The following FHIT variants were observed in gnomAD, a reference collection of about 807,000 sequenced individuals.
FHIT encodes fragile histidine triad diadenosine triphosphatase, also known as bis(5'-adenosyl)-triphosphatase.
Under a neutral mutation model 17.9 loss-of-function variants are expected in FHIT, and 19 were observed. That is an observed-to-expected ratio of 1.06 (90% confidence interval 0.74 to 1.56). FHIT has a LOEUF of 1.56. Ranked by LOEUF, FHIT falls within the 40% of genes most tolerant of loss-of-function variation. The pLI, the probability that FHIT is intolerant of heterozygous loss-of-function variation, is 0.00. For synonymous variants in FHIT, 81 were observed against 69.7 expected, an observed-to-expected ratio of 1.16 and a Z score of -0.81; for missense variants, 248 against 189.2, an observed-to-expected ratio of 1.31 and a Z score of -1.82.
intron 4 of FHIT, among the ~76,000 whole-genome samples, chr3:60,787,690 TC>T (rs1247095043): frequency 2.2e-4 from 33 of 152,208 alleles, no homozygotes; most frequent in Non-Finnish European, 4.7e-4. Context: ...ATTTGTAACC[TC>T]AACATCGATA....
intron 2 of FHIT, among the ~76,000 whole-genome samples, chr3:61,138,274 A>G (rs186315973): frequency 5.3e-5 from 8 of 152,314 alleles, no homozygotes; most frequent in Admixed American, 3.3e-4. Flanking sequence ...TCTTTGATCT[A>G]CTGAGCCACA....
intron 4 of FHIT, among the ~76,000 whole-genome samples, chr3:60,634,902 C>G (rs2039541460): frequency 6.6e-6 from 1 of 152,172 alleles, no homozygotes; most frequent in African/African-American, 2.4e-5. Flanking sequence ...CTCTATTTCC[C>G]AGGCTGGAGT....
intron 5 of FHIT, among the ~76,000 whole-genome samples, chr3:60,056,106 G>C (rs931563562): frequency 6.6e-6 from 1 of 152,198 alleles, no homozygotes; most frequent in South Asian, 2.1e-4. Context: ...CAAATGCCAA[G>C]AGCATTATGC....
intron 5 of FHIT, among the ~76,000 whole-genome samples, chr3:60,464,266 G>T (rs777446952): frequency 2.7e-4 from 41 of 152,052 alleles, no homozygotes; most frequent in Non-Finnish European, 4.7e-4. Context: ...TACATTTATG[G>T]GGTACAAGGG....
At chr3:60,120,499 C>A (rs939841359) in intron 5 of FHIT, among the ~76,000 whole-genome samples, 2 of 152,200 alleles carry the variant, frequency 1.3e-5, no homozygotes, top group African/African-American at 4.8e-5. Flanking sequence ...TCTTCCTGCT[C>A]CAACTTGGCC....
At chr3:59,752,344 AGGCTCTTTCATGGGCCCTTG>A (rs772400919) in intron 8 of FHIT, 23 bp from the exon 9 acceptor site, 2 of 1,589,770 alleles carry the variant, frequency 1.3e-6, no homozygotes, top group Non-Finnish European at 1.7e-6. Context: ...AAAAAGGAAG[AGGCTCTTTCATGGGCCCTTG>A]GGATCTCCTT....
intron 2 of FHIT, among the ~76,000 whole-genome samples, chr3:61,121,709 T>G (rs557082386): frequency 6.6e-6 from 1 of 152,186 alleles, no homozygotes; most frequent in Non-Finnish European, 1.5e-5. Context: ...CCAGCTTGCA[T>G]CATAAAGACA....
chr3:60,104,698 G>C (rs1182906122), intron 5 of FHIT, among the ~76,000 whole-genome samples: 10 of 152,018 alleles, frequency 6.6e-5, no homozygotes, highest in Non-Finnish European at 1.5e-4. Context: ...AAGAGAAACT[G>C]AAAGTTTTTT....
chr3:60,709,235 G>A lies in FHIT; in HGVS notation c.-18+112684C>T, dbSNP rs182805465. Among the ~76,000 whole-genome samples the A allele has an allele frequency of 7.0e-4, 106 of 152,086 alleles. 1 individual carries two copies. Among genetic ancestry groups the A allele is most frequent in the African/African-American group, 2.3e-3 (96 of 41,514 alleles). On this transcript the variant is annotated intron_variant, in intron 4 of 9. Transcript: ENST00000492590. ...TACATGTAAATATACATATTTTCCC[G>A]AAAAAAGAGCTAGTGAGAAGAGTGG...
chr3:60,909,369 G>GA (rs11382712), intron 3 of FHIT, among the ~76,000 whole-genome samples: 70,068 of 120,048 alleles, frequency 0.58, 19,939 homozygotes, highest in Middle Eastern at 0.72. Context: ...ACTCTGTCTC[G>GA]AAAAAAAAAA....
intron 4 of FHIT, among the ~76,000 whole-genome samples, chr3:60,744,258 C>CAAAAAAAA (rs371224955): frequency 1.6e-4 from 15 of 95,616 alleles, no homozygotes; most frequent in Non-Finnish European, 2.9e-4. Flanking sequence ...AAAAAAAAAA[C>CAAAAAAAA]AAAACAAAAC....
intron 3 of FHIT, among the ~76,000 whole-genome samples, chr3:60,925,213 A>T (rs2107333831): frequency 6.6e-6 from 1 of 152,272 alleles, no homozygotes; most frequent in African/African-American, 2.4e-5. Context: ...AGAGAACACC[A>T]CAAAGATACT....
chr3:60,130,992 CACATATATACATATGTGT>C (rs1699550402), intron 5 of FHIT, among the ~76,000 whole-genome samples: 4 of 128,844 alleles, frequency 3.1e-5, no homozygotes, highest in African/African-American at 6.0e-5. Flanking sequence ...CACATATATA[CACATATATACATATGTGT>C]ATATATACAC....
At chr3:61,091,444 C>T (rs949716751) in intron 2 of FHIT, among the ~76,000 whole-genome samples, 1 of 152,154 alleles carries the variant, frequency 6.6e-6, no homozygotes, top group African/African-American at 2.4e-5. Context: ...ATTAGATAAT[C>T]AATCTATGTC....
At chr3:60,571,871 A>C (rs2037395904) in intron 4 of FHIT, among the ~76,000 whole-genome samples, 1 of 152,192 alleles carries the variant, frequency 6.6e-6, no homozygotes, top group South Asian at 2.1e-4. Context: ...ATCTTCCTTC[A>C]AGTACAAGAT....
At chr3:60,644,749 A>G (rs2107796883) in intron 4 of FHIT, among the ~76,000 whole-genome samples, 1 of 152,188 alleles carries the variant, frequency 6.6e-6, no homozygotes, top group East Asian at 1.9e-4. Flanking sequence ...GAGAAAACAA[A>G]CTCCACAACC....
chr3:60,447,570 C>A (rs1481109431), intron 5 of FHIT, among the ~76,000 whole-genome samples: 1 of 152,038 alleles, frequency 6.6e-6, no homozygotes, highest in African/African-American at 2.4e-5. Flanking sequence ...AACCATAAAT[C>A]AGTGTTATCA....
intron 2 of FHIT, among the ~76,000 whole-genome samples, chr3:61,147,142 T>C (rs764365232): frequency 1.6e-4 from 25 of 152,032 alleles, no homozygotes; most frequent in Non-Finnish European, 2.9e-4. Context: ...GAAATGAGTA[T>C]TGTTCCTGAA....
At chr3:60,670,787 A>T (rs2040487994) in intron 4 of FHIT, among the ~76,000 whole-genome samples, 1 of 152,194 alleles carries the variant, frequency 6.6e-6, no homozygotes, top group African/African-American at 2.4e-5. Context: ...GGGATGCCAG[A>T]TAGTGAAATT....
Sources: gnomAD v4.1 joint callset for allele counts (sites outside exome capture counted in the v4.1 genomes callset) on GRCh38, gnomAD v4.1.1 for gene constraint, MANE v1.5 for transcripts, NCBI Gene and HGNC (gene_info 2026-07-23, HGNC 2026-07-21) for gene names.